The following KCNMA1 variants were observed in gnomAD, a reference collection of about 807,000 sequenced individuals.
KCNMA1 encodes the protein potassium calcium-activated channel subfamily M alpha 1.
Under a neutral mutation model 140.0 loss-of-function variants are expected in KCNMA1, and 29 were observed. That is an observed-to-expected ratio of 0.21 (90% CI 0.15 to 0.28). The LOEUF (loss-of-function observed/expected upper bound fraction) is 0.28. KCNMA1 is among the 10% of genes least tolerant of loss of function. The pLI, the probability that KCNMA1 is intolerant of heterozygous loss-of-function variation, is 1.00. For synonymous variants in KCNMA1, 612 were observed against 611.9 expected (o/e 1.00, Z 0.00); for missense variants, 880 against 1,602.2 (o/e 0.55, Z 7.70).
intron 1 of KCNMA1, among the ~76,000 whole-genome samples, chr10:77,574,277 TAA>T (rs1009367687): frequency 7.9e-5 from 12 of 151,772 alleles, no homozygotes; most frequent in African/African-American, 2.4e-4. Context: ...TATATATATA[TAA>T]AATCTAGCAG....
intron 1 of KCNMA1, among the ~76,000 whole-genome samples, chr10:77,477,079 G>A (rs1417809758): frequency 6.6e-6 from 1 of 152,210 alleles, no homozygotes; most frequent in African/African-American, 2.4e-5. Flanking sequence ...GCTCTTAGCT[G>A]CATGACTTGC....
intron 23 of KCNMA1, among the ~76,000 whole-genome samples, chr10:76,931,425 G>A (rs2059243691): frequency 6.6e-6 from 1 of 151,474 alleles, no homozygotes; most frequent in African/African-American, 2.4e-5. Flanking sequence ...TTCATTATTA[G>A]CTATTTAAAG....
At chr10:77,488,058 T>C (rs1277984081) in intron 1 of KCNMA1, among the ~76,000 whole-genome samples, 3 of 152,194 alleles carry the variant, frequency 2.0e-5, no homozygotes, top group Admixed American at 6.5e-5. Flanking sequence ...ATTCAATATA[T>C]GCCTATTAAT....
At chr10:77,038,060 C>A (rs2094448154) in intron 15 of KCNMA1, among the ~76,000 whole-genome samples, 1 of 152,162 alleles carries the variant, frequency 6.6e-6, no homozygotes, top group Non-Finnish European at 1.5e-5. Context: ...AAAACTTTCG[C>A]TTAGAGACAG....
At chr10:76,958,094 C>T (rs2069138261) in intron 20 of KCNMA1, among the ~76,000 whole-genome samples, 1 of 152,138 alleles carries the variant, frequency 6.6e-6, no homozygotes, top group African/African-American at 2.4e-5. Flanking sequence ...ATTGAGCACA[C>T]CAATCAACAC....
chr10:76,950,273 C>T (rs3781146), intron 21 of KCNMA1, among the ~76,000 whole-genome samples: 1 of 152,092 alleles, frequency 6.6e-6, no homozygotes, highest in South Asian at 2.1e-4. Flanking sequence ...TCTGGAGGGG[C>T]CTGTTTTGCT....
At chr10:77,431,726 G>A (rs1000489082) in intron 1 of KCNMA1, among the ~76,000 whole-genome samples, 4 of 150,140 alleles carry the variant, frequency 2.7e-5, no homozygotes, top group South Asian at 2.1e-4. Context: ...GGCCGGGAGC[G>A]GTGGCTCACG....
At chr10:77,073,629 C>CT (rs979543644) in intron 13 of KCNMA1, among the ~76,000 whole-genome samples, 1 of 152,158 alleles carries the variant, frequency 6.6e-6, no homozygotes, top group African/African-American at 2.4e-5. Flanking sequence ...TTTTCAGTTT[C>CT]TTTTTTACCT....
chr10:77,610,760 C>T (rs1370734701), intron 1 of KCNMA1, among the ~76,000 whole-genome samples: 5 of 152,186 alleles, frequency 3.3e-5, no homozygotes, highest in African/African-American at 9.7e-5. Flanking sequence ...CTTAATGGTA[C>T]AGGACTTCCT....
intron 1 of KCNMA1, among the ~76,000 whole-genome samples, chr10:77,555,067 C>T (rs2063910711): frequency 6.6e-6 from 1 of 152,158 alleles, no homozygotes; most frequent in South Asian, 2.1e-4. Flanking sequence ...TACACACACG[C>T]ACGCACACCA....
At chr10:77,554,976 ACTTCT>A (rs1329997798) in intron 1 of KCNMA1, among the ~76,000 whole-genome samples, 1 of 152,036 alleles carries the variant, frequency 6.6e-6, no homozygotes, top group South Asian at 2.1e-4. Flanking sequence ...TATGAAAGTG[ACTTCT>A]CTTCTCAGAA....
intron 2 of KCNMA1, among the ~76,000 whole-genome samples, chr10:77,331,459 C>T (rs2086392383): frequency 6.6e-6 from 1 of 152,096 alleles, no homozygotes; most frequent in East Asian, 1.9e-4. Context: ...AAGAGGAAGG[C>T]AGTGGAGGGT....
At chr10:77,011,185 A>G (rs1450463388) in intron 18 of KCNMA1, among the ~76,000 whole-genome samples, 1 of 152,164 alleles carries the variant, frequency 6.6e-6, no homozygotes, top group Non-Finnish European at 1.5e-5. Flanking sequence ...CTATTAGGCA[A>G]TACAGCATAA....
chr10:77,432,198 C>T lies in KCNMA1; in HGVS notation c.379-28175G>A, dbSNP rs988296897. On this transcript the variant is annotated intron_variant, in intron 1 of 27. Transcript: ENST00000286628. Reference sequence around the variant, plus strand: ...AGTGCTTAATGAGAGGCCAAAGGGACTTTGCCTCCTTGAGGCTTTTTGATT... The same window carrying T: ...AGTGCTTAATGAGAGGCCAAAGGGATTTTGCCTCCTTGAGGCTTTTTGATT... Among the ~76,000 whole-genome samples, 8 of 152,210 alleles carry T rather than the reference C, an allele frequency of 5.3e-5. No homozygotes were observed. The East Asian group carries it at 1.5e-3, about 29-fold the overall frequency.
At chr10:77,036,287 G>A (rs896396348) in intron 15 of KCNMA1, among the ~76,000 whole-genome samples, 10 of 152,016 alleles carry the variant, frequency 6.6e-5, no homozygotes, top group South Asian at 2.1e-4. Context: ...GATAGCTTTC[G>A]GGGTGGCAGG....
At chr10:77,087,807 G>A (rs993899179) in intron 10 of KCNMA1, among the ~76,000 whole-genome samples, 1 of 152,144 alleles carries the variant, frequency 6.6e-6, no homozygotes, top group Non-Finnish European at 1.5e-5. Context: ...TATACGCCAG[G>A]TACCGTGATA....
chr10:77,167,151 T>C, intron 5 of KCNMA1, among the ~76,000 whole-genome samples: 1 of 152,038 alleles, frequency 6.6e-6, no homozygotes, highest in Middle Eastern at 3.2e-3. Flanking sequence ...CTGCCTCAGA[T>C]AACTACCAAT....
At chr10:77,565,354 T>C (rs560435935) in intron 1 of KCNMA1, among the ~76,000 whole-genome samples, 3 of 152,376 alleles carry the variant, frequency 2.0e-5, no homozygotes, top group African/African-American at 7.2e-5. Flanking sequence ...GAGCTTTTAC[T>C]TCTGAGCACA....
intron 18 of KCNMA1, 32 bp from the exon 19 acceptor site, chr10:77,001,612 A>G (rs192922403): frequency 6.5e-7 from 1 of 1,533,466 alleles, no homozygotes; most frequent in Admixed American, 2.0e-5. Flanking sequence ...GGAGGAGAGG[A>G]AGAGCGGCAA....
Sources: allele counts gnomAD v4.1 joint callset (sites outside exome capture counted in the v4.1 genomes callset), GRCh38; gene constraint gnomAD v4.1.1; transcripts MANE v1.5; gene names NCBI Gene and HGNC (gene_info 2026-07-23, HGNC 2026-07-21).